The following BCL2 variants were observed in gnomAD, a reference collection of about 807,000 sequenced individuals.
BCL2 encodes BCL2 apoptosis regulator.
BCL2 carries 1 observed loss-of-function variant against 14.2 expected under a neutral mutation model. That is an observed-to-expected ratio of 0.07 (90% CI 0.02 to 0.33). The LOEUF (loss-of-function observed/expected upper bound fraction) is 0.33. Among genes scored for constraint, BCL2 ranks in the 10% least tolerant of loss-of-function variants. The pLI, the probability that BCL2 is intolerant of heterozygous loss-of-function variation, is 0.99. For synonymous variants in BCL2, 151 were observed against 137.2 expected, an observed-to-expected ratio of 1.10 and a Z score of -0.70; for missense variants, 247 against 305.9, an observed-to-expected ratio of 0.81 and a Z score of 1.44.
At chr18:63,211,635 G>A (rs1465452534) in intron 2 of BCL2, among the ~76,000 whole-genome samples, 1 of 152,170 alleles carries the variant, frequency 6.6e-6, no homozygotes, top group African/African-American at 2.4e-5. Context: ...CTTCGATTTA[G>A]TCCTTCAGAC....
intron 2 of BCL2, among the ~76,000 whole-genome samples, chr18:63,187,449 A>C (rs1427438731): frequency 6.6e-6 from 1 of 152,112 alleles, no homozygotes; most frequent in Non-Finnish European, 1.5e-5. Flanking sequence ...ATAAGTGGGC[A>C]CCTCTACCTC....
chr18:63,234,727 C>T (rs1910775616), intron 2 of BCL2, among the ~76,000 whole-genome samples: 1 of 152,228 alleles, frequency 6.6e-6, no homozygotes. Context: ...ATCCTCAGCT[C>T]TGCTACTTAC....
At chr18:63,243,987 T>TA (rs1911085432) in intron 2 of BCL2, among the ~76,000 whole-genome samples, 1 of 152,216 alleles carries the variant, frequency 6.6e-6, no homozygotes, top group Non-Finnish European at 1.5e-5. Flanking sequence ...CTCACGCCTG[T>TA]AATCCCAGCA....
At chr18:63,239,733 CTG>C (rs1910943570) in intron 2 of BCL2, among the ~76,000 whole-genome samples, 1 of 146,796 alleles carries the variant, frequency 6.8e-6, no homozygotes, top group Admixed American at 6.8e-5. Flanking sequence ...GAGAGAGACT[CTG>C]TCTCAAAAAA....
At chr18:63,177,623 C>T (rs1346408171) in intron 2 of BCL2, among the ~76,000 whole-genome samples, 1 of 152,228 alleles carries the variant, frequency 6.6e-6, no homozygotes, top group Admixed American at 6.5e-5. Flanking sequence ...ACTTCTCCAG[C>T]GTGGAGGCAC....
At chr18:63,187,359 G>C (rs1016664195) in intron 2 of BCL2, among the ~76,000 whole-genome samples, 9 of 152,208 alleles carry the variant, frequency 5.9e-5, no homozygotes, top group Admixed American at 5.9e-4. Context: ...GAGGTCAGAT[G>C]CTTGGGGACT....
chr18:63,224,690 T>G, intron 2 of BCL2, among the ~76,000 whole-genome samples: 1 of 150,674 alleles, frequency 6.6e-6, no homozygotes, highest in African/African-American at 2.4e-5. Flanking sequence ...GTAAAGGGAG[T>G]TTTATGAGAA....
intron 2 of BCL2, among the ~76,000 whole-genome samples, chr18:63,204,063 T>C (rs1909771159): frequency 6.6e-6 from 1 of 152,196 alleles, no homozygotes; most frequent in Non-Finnish European, 1.5e-5. Flanking sequence ...GATAGATAGA[T>C]AATTGAGAAG....
intron 2 of BCL2, among the ~76,000 whole-genome samples, chr18:63,304,708 C>A (rs1464911874): frequency 1.3e-5 from 2 of 151,824 alleles, no homozygotes; most frequent in African/African-American, 4.8e-5. Context: ...AGCCTAGTAC[C>A]CATTAGTTAT....
intron 2 of BCL2, among the ~76,000 whole-genome samples, chr18:63,178,935 A>G (rs1915415147): frequency 6.6e-6 from 1 of 150,464 alleles, no homozygotes. Flanking sequence ...AAGTGAGTTT[A>G]TGGAGGATTT....
At chr18:63,317,210 T>A (rs1165259272) in intron 2 of BCL2, 1 of 152,230 alleles carries the variant, frequency 6.6e-6, no homozygotes, top group East Asian at 1.9e-4. Flanking sequence ...AATCAATTCT[T>A]CTACACTTTA....
At chr18:63,274,277 CTTTTT>C (rs74169950) in intron 2 of BCL2, among the ~76,000 whole-genome samples, 3 of 86,752 alleles carry the variant, frequency 3.5e-5, no homozygotes, top group African/African-American at 1.3e-4. Flanking sequence ...TAAAGATACT[CTTTTT>C]TTTTTTTTTT....
rs1915659936 is a variant in BCL2, at chr18:63,189,119, C to CAAA, written c.586-60361_586-60360insTTT. On this transcript the variant is annotated intron_variant, in intron 2 of 2. Coordinates refer to ENST00000333681, the MANE Select transcript of BCL2 (RefSeq NM_000633.3). ...CAAGACAAAGGCTATGTAAACTTAG[C>CAAA]ATTTTCAAAATTAAGGTCAAAGCGC... 1.2e-4 allele frequency among the ~76,000 whole-genome samples: 18 copies of CAAA among 148,314 alleles called. No homozygotes were observed. In the South Asian group the frequency reaches 3.6e-3, roughly 30 times the overall value.
chr18:63,271,102 A>G (rs35555671), intron 2 of BCL2, among the ~76,000 whole-genome samples: 7,372 of 152,324 alleles, frequency 0.048, 303 homozygotes, highest in African/African-American at 0.098. Flanking sequence ...GATTACAAGC[A>G]TGAGCCACTG....
chr18:63,156,766 A>G (rs1012576304), intron 2 of BCL2, among the ~76,000 whole-genome samples: 3 of 152,198 alleles, frequency 2.0e-5, no homozygotes, highest in African/African-American at 7.2e-5. Flanking sequence ...CTGCAACCCC[A>G]TGGACTTCAT....
In BCL2 at chr18:63,318,163, G is replaced by C. The variant is rs1294981692; in HGVS notation, c.504C>G (p.Pro168=). The C allele has an allele frequency of 6.2e-7, 1 of 1,613,982 alleles. No homozygotes were observed. The highest frequency in any genetic ancestry group is 1.1e-5 in the South Asian group (1 of 91,074). ...TCCACAGGGCGATGTTGTCCACCAG[G>C]GGCGACATCTCCCGGTTGACGCTCT... ...CVESVNREMS[P]LVDNIALWMT... is the part of the protein sequence containing the mutation. Residue 168 remains proline (P), a synonymous_variant, in exon 2 of 3, where the codon CCC becomes CCG. Transcript: ENST00000333681. The surrounding 1 kb of genome is among the most constrained non-coding windows in gnomAD (Gnocchi z 7.4).
At chr18:63,293,051 T>C (rs1430726778) in intron 2 of BCL2, among the ~76,000 whole-genome samples, 1 of 152,202 alleles carries the variant, frequency 6.6e-6, no homozygotes, top group Admixed American at 6.5e-5. Flanking sequence ...CTGAGCTTCA[T>C]GCAACGTGCA....
chr18:63,297,523 T>C (rs1912832924), intron 2 of BCL2, among the ~76,000 whole-genome samples: 1 of 152,216 alleles, frequency 6.6e-6, no homozygotes, highest in South Asian at 2.1e-4. Flanking sequence ...CACAATGTTA[T>C]GGTGTCACAC....
chr18:63,144,553 AAT>A (rs1914458137), intron 2 of BCL2, among the ~76,000 whole-genome samples: 1 of 152,106 alleles, frequency 6.6e-6, no homozygotes, highest in South Asian at 2.1e-4. Flanking sequence ...CGGAGCAATA[AAT>A]ATGAGAGGCT....
Sources: gnomAD v4.1 joint callset for allele counts (sites outside exome capture counted in the v4.1 genomes callset) on GRCh38, gnomAD v4.1.1 for gene constraint, Gnocchi (gnomAD v3.1) non-coding constraint, MANE v1.5 for transcripts, NCBI Gene and HGNC (gene_info 2026-07-23, HGNC 2026-07-21) for gene names.